TSNARE1: variants seen among roughly 807,000 people sequenced by gnomAD.
The protein encoded by TSNARE1 is t-SNARE domain-containing protein 1.
In TSNARE1, 49 loss-of-function variants were observed where a neutral mutation model predicts 62.0. The observed-to-expected ratio is 0.79, with a 90% confidence interval of 0.63 to 1.00. The LOEUF (loss-of-function observed/expected upper bound fraction) is 1.00, where lower values mean the gene tolerates loss of function less well. Among genes scored for constraint, TSNARE1 ranks in the 50% least tolerant of loss-of-function variants. The pLI is 0.00. For missense variants in TSNARE1, 755 were observed against 700.1 expected (o/e 1.08, Z -0.88); for synonymous variants, 328 against 294.4 (o/e 1.11, Z -1.17).
chr8:142,342,583 C>T (rs1351030218), intron 4 of TSNARE1, among the ~76,000 whole-genome samples: 2 of 152,228 alleles, frequency 1.3e-5, no homozygotes, highest in Non-Finnish European at 2.9e-5. Flanking sequence ...GTGCAGGAAC[C>T]AGGCTGCCGC....
intron 4 of TSNARE1, among the ~76,000 whole-genome samples, chr8:142,335,338 C>T (rs13257497): frequency 0.17 from 25,743 of 151,072 alleles, 2,355 homozygotes; most frequent in East Asian, 0.3. Context: ...GGTGGGGTCA[C>T]CATGTGTTAT....
chr8:142,395,682 C>T (rs1449223987), intron 1 of TSNARE1, among the ~76,000 whole-genome samples: 1 of 152,222 alleles, frequency 6.6e-6, no homozygotes, highest in Non-Finnish European at 1.5e-5. Context: ...GCAGAAGCAA[C>T]GGTTCTCCCC....
chr8:142,403,961 T>A (rs1465803640), upstream of TSNARE1: 11 of 152,206 alleles, frequency 7.2e-5, no homozygotes, highest in Non-Finnish European at 1.5e-5. Flanking sequence ...AATGGGTGTG[T>A]GTCCTTGGGC....
At chr8:142,355,982 C>T (rs1326295645) in intron 1 of TSNARE1, among the ~76,000 whole-genome samples, 3 of 152,218 alleles carry the variant, frequency 2.0e-5, no homozygotes, top group Non-Finnish European at 4.4e-5. Flanking sequence ...TGCTGCGGAT[C>T]GCACCTACTA....
intron 2 of TSNARE1, among the ~76,000 whole-genome samples, chr8:142,353,634 C>T (rs1834397282): frequency 6.6e-6 from 1 of 152,112 alleles, no homozygotes; most frequent in Non-Finnish European, 1.5e-5. Context: ...GGGTGGGAAA[C>T]AAATCCAGGG....
At chr8:142,311,674 T>C (rs186755132) in intron 9 of TSNARE1, among the ~76,000 whole-genome samples, 2 of 152,322 alleles carry the variant, frequency 1.3e-5, no homozygotes, top group Admixed American at 6.5e-5. Context: ...TGGACAGTTT[T>C]GGAAAACTCT....
chr8:142,343,994 G>A lies in TSNARE1; in HGVS notation c.717C>T (p.Ser239=), dbSNP rs755180048. The change falls in exon 4 of 14, where the codon TCC becomes TCT. Residue 239 remains serine (S), a synonymous_variant. Transcript: ENST00000524325. ...TGGGCGGCTCCAGACTGAAGCCCTC[G>A]GAGGGCAGGGCCTGGCAAGAGAAGG... ...AKTFSCQALP[S]EGFSLEPPRA... is the part of the protein sequence containing the mutation. 7.1e-6 allele frequency: 11 copies of A among 1,541,836 alleles called. No homozygotes were observed. Among genetic ancestry groups the A allele is most frequent in the South Asian group, 3.8e-5 (3 of 79,414 alleles).
chr8:142,343,403 G>A (rs1294300938), intron 4 of TSNARE1, among the ~76,000 whole-genome samples: 5 of 151,884 alleles, frequency 3.3e-5, no homozygotes, highest in Admixed American at 2.6e-4. Flanking sequence ...GCGTGGCCAT[G>A]GGGAGCGTCG....
At chr8:142,331,894 T>G in intron 4 of TSNARE1, 63 bp from the exon 5 acceptor site, 3 of 1,485,288 alleles carry the variant, frequency 2.0e-6, no homozygotes, top group Non-Finnish European at 2.8e-6. Context: ...GGCCCAGCTC[T>G]GCTAACCGCT....
In TSNARE1 at chr8:142,235,833, CA is replaced by C. The variant is rs980051803; in HGVS notation, c.1447-6255del. 1.0e-3 allele frequency among the ~76,000 whole-genome samples: 157 copies of C among 152,218 alleles called. 1 individual carries two copies. Among genetic ancestry groups the C allele is most frequent in the Non-Finnish European group, 6.3e-4 (43 of 68,022 alleles). ...GCGTTTCCTCTGTGCCAGGGCCTGCCAGGGGCACGGGAGTCCTGTCTTTTAG... is the reference window on the plus strand; with the variant it reads ...GCGTTTCCTCTGTGCCAGGGCCTGCCGGGGCACGGGAGTCCTGTCTTTTAG... On this transcript the variant is annotated intron_variant, in intron 12 of 13. Transcript: ENST00000524325.
Position 142,318,221 on chromosome 8 carries a change from A to C in TSNARE1, c.984+323T>G, listed in dbSNP as rs545919748. On this transcript the variant is annotated intron_variant, in intron 7 of 13. Coordinates refer to ENST00000524325, the MANE Select transcript of TSNARE1 (RefSeq NM_145003.5). ...CAGGGGAGAGGATGGTGAAACAAAC[A>C]ATGGCGGGCCATCAGCTTCCAGTAA... 4.6e-5 allele frequency among the ~76,000 whole-genome samples: 7 copies of C among 152,256 alleles called. No individual in the cohort carries two copies. The South Asian group carries it at 1.4e-3, about 32-fold the overall frequency.
intron 11 of TSNARE1, among the ~76,000 whole-genome samples, chr8:142,283,155 A>AGAGGCGGGGCCAGTGTCTGTCAATGAGCG (rs1821957431): frequency 2.8e-5 from 4 of 145,194 alleles, no homozygotes; most frequent in Non-Finnish European, 4.5e-5. Flanking sequence ...GTCAATGAGC[A>AGAGGCGGGGCCAGTGTCTGTCAATGAGCG]GAGGTGGGGC....
At chr8:142,218,367 C>T (rs905218123) in intron 13 of TSNARE1, among the ~76,000 whole-genome samples, 2 of 152,192 alleles carry the variant, frequency 1.3e-5, no homozygotes, top group African/African-American at 4.8e-5. Flanking sequence ...TGTTGAGGCA[C>T]CACGAGGGCC....
At chr8:142,292,657 G>A (rs1027622808) in intron 10 of TSNARE1, among the ~76,000 whole-genome samples, 4 of 152,104 alleles carry the variant, frequency 2.6e-5, no homozygotes, top group African/African-American at 7.2e-5. Context: ...GGTCACCAGT[G>A]GGGTGAGGAC....
At chr8:142,302,630 A>G (rs757853148) in intron 9 of TSNARE1, among the ~76,000 whole-genome samples, 19 of 152,132 alleles carry the variant, frequency 1.2e-4, no homozygotes, top group Admixed American at 5.2e-4. Context: ...AAGGCCCCGC[A>G]AAGCACGGGG....
chr8:142,332,348 A>G (rs1831176663), intron 4 of TSNARE1, among the ~76,000 whole-genome samples: 1 of 152,160 alleles, frequency 6.6e-6, no homozygotes, highest in Non-Finnish European at 1.5e-5. Context: ...GGTTCCACAC[A>G]TCTACCATGT....
chr8:142,353,911 G>C (rs1274285847), intron 2 of TSNARE1, among the ~76,000 whole-genome samples: 1 of 152,244 alleles, frequency 6.6e-6, no homozygotes, highest in African/African-American at 2.4e-5. Flanking sequence ...GGTGGAGAGA[G>C]GTACGCAAAG....
At chr8:142,269,891 T>C (rs1051499336) in intron 12 of TSNARE1, 5 of 985,342 alleles carry the variant, frequency 5.1e-6, no homozygotes, top group Non-Finnish European at 4.8e-6. Context: ...GACAAGTTAC[T>C]GACACATTGC....
Position 142,328,822 on chromosome 8 carries a change from G to C in TSNARE1, c.893+2079C>G, listed in dbSNP as rs1042559503. On this transcript the variant is annotated intron_variant, in intron 6 of 13. Coordinates refer to ENST00000524325, the MANE Select transcript of TSNARE1 (RefSeq NM_145003.5). ...GGTCTGTGACAGGGAGGCCTTTGGG[G>C]GGGGGGAGGGTTCCGCACACAGGTG... Among the ~76,000 whole-genome samples, 453 of 126,046 alleles carry C rather than the reference G, an allele frequency of 3.6e-3. 21 individuals are homozygous for C. The highest frequency in any genetic ancestry group is 0.013 in the African/African-American group (438 of 33,654). 82.7% of individuals were successfully genotyped at this position (126,046 alleles called of 152,430 possible).
Sources: allele counts gnomAD v4.1 joint callset (sites outside exome capture counted in the v4.1 genomes callset), GRCh38; gene constraint gnomAD v4.1.1; transcripts MANE v1.5; gene names NCBI Gene and HGNC (gene_info 2026-07-23, HGNC 2026-07-21).